The following GPC5 variants were observed in gnomAD, a reference collection of about 807,000 sequenced individuals.
GPC5 encodes the protein glypican-5.
Under a neutral mutation model 53.9 loss-of-function variants are expected in GPC5, and 47 were observed. The observed-to-expected ratio is 0.87, with a 90% confidence interval of 0.69 to 1.11. The LOEUF (loss-of-function observed/expected upper bound fraction) is 1.11, where lower values mean the gene tolerates loss of function less well. Among genes scored for constraint, GPC5 ranks in the 50% most tolerant of loss-of-function variants. GPC5 has a pLI of 0.00. For missense variants in GPC5, 748 were observed against 713.1 expected (o/e 1.05, Z -0.56); for synonymous variants, 286 against 263.3 (o/e 1.09, Z -0.84).
intron 7 of GPC5, among the ~76,000 whole-genome samples, chr13:92,386,793 AT>A (rs1253513252): frequency 6.6e-6 from 1 of 151,986 alleles, no homozygotes; most frequent in Non-Finnish European, 1.5e-5. Flanking sequence ...GTTAGTTTCC[AT>A]TTTTACTTCT....
chr13:91,705,965 C>T (rs1187698482), intron 3 of GPC5, among the ~76,000 whole-genome samples: 1 of 149,510 alleles, frequency 6.7e-6, no homozygotes, highest in African/African-American at 2.5e-5. Context: ...ATTGCAACCT[C>T]CGCCTCCTGA....
chr13:92,691,361 G>A (rs906066037), intron 7 of GPC5, among the ~76,000 whole-genome samples: 11 of 142,984 alleles, frequency 7.7e-5, no homozygotes, highest in Non-Finnish European at 1.4e-4. Flanking sequence ...TCTTTGACTC[G>A]GAAAGGGAAC....
chr13:91,745,772 T>G (rs547236233), intron 4 of GPC5, among the ~76,000 whole-genome samples: 12 of 152,310 alleles, frequency 7.9e-5, no homozygotes, highest in Non-Finnish European at 1.8e-4. Flanking sequence ...ATGAATGTCA[T>G]GTGCTTGAAA....
intron 5 of GPC5, among the ~76,000 whole-genome samples, chr13:91,880,022 A>T (rs1195052754): frequency 6.6e-6 from 1 of 152,126 alleles, no homozygotes; most frequent in African/African-American, 2.4e-5. Flanking sequence ...GCCCCTTCTT[A>T]TAACTTTATA....
intron 3 of GPC5, among the ~76,000 whole-genome samples, chr13:91,717,562 C>A (rs539762718): frequency 1.3e-5 from 2 of 151,250 alleles, no homozygotes; most frequent in African/African-American, 4.9e-5. Context: ...TTTGCTTGCA[C>A]ATTTTTTTTT....
At chr13:92,749,560 G>A (rs1323597333) in intron 7 of GPC5, among the ~76,000 whole-genome samples, 2 of 152,024 alleles carry the variant, frequency 1.3e-5, no homozygotes, top group East Asian at 1.9e-4. Context: ...TTATTAAGAC[G>A]ATGGAGGTGA....
At chr13:91,744,286 A>C (rs2037000581) in intron 4 of GPC5, among the ~76,000 whole-genome samples, 1 of 152,150 alleles carries the variant, frequency 6.6e-6, no homozygotes, top group Non-Finnish European at 1.5e-5. Context: ...CACCCATCAG[A>C]AAAACTGGGA....
At chr13:91,629,429 G>A (rs539024801) in intron 2 of GPC5, among the ~76,000 whole-genome samples, 3 of 152,172 alleles carry the variant, frequency 2.0e-5, no homozygotes, top group African/African-American at 7.2e-5. Context: ...GATCACCTGA[G>A]GTCAGGAGTT....
intron 7 of GPC5, among the ~76,000 whole-genome samples, chr13:92,475,465 T>C (rs1221226483): frequency 6.7e-6 from 1 of 148,536 alleles, no homozygotes; most frequent in Non-Finnish European, 1.5e-5. Flanking sequence ...TTTGAAGCAA[T>C]TGTGAATGGG....
intron 7 of GPC5, among the ~76,000 whole-genome samples, chr13:92,623,904 G>C (rs1884960415): frequency 6.6e-6 from 1 of 152,010 alleles, no homozygotes; most frequent in South Asian, 2.1e-4. Flanking sequence ...GCCCAGGCCG[G>C]AGTGCAGTGG....
chr13:91,813,340 T>C (rs1281078043), intron 5 of GPC5, among the ~76,000 whole-genome samples: 5 of 152,316 alleles, frequency 3.3e-5, no homozygotes, highest in East Asian at 3.9e-4. Flanking sequence ...GAGGGGAGCT[T>C]TGTACCTTTG....
At chr13:91,618,821 T>G (rs985508875) in intron 2 of GPC5, among the ~76,000 whole-genome samples, 1 of 152,070 alleles carries the variant, frequency 6.6e-6, no homozygotes, top group Non-Finnish European at 1.5e-5. Context: ...ATGGGAATCA[T>G]ACCCATAACC....
chr13:91,770,442 G>A (rs1354337508), intron 5 of GPC5, among the ~76,000 whole-genome samples: 8 of 152,070 alleles, frequency 5.3e-5, no homozygotes, highest in Non-Finnish European at 1.0e-4. Flanking sequence ...TCTAATCATG[G>A]TTTGGTTTTT....
At chr13:92,514,887 T>A (rs139148619) in intron 7 of GPC5, among the ~76,000 whole-genome samples, 1 of 152,044 alleles carries the variant, frequency 6.6e-6, no homozygotes, top group Non-Finnish European at 1.5e-5. Flanking sequence ...CTGAAAAAAA[T>A]AGGTTATGGC....
rs150054883 is a variant in GPC5 at position 92,452,273 on chromosome 13, A to G, written c.1561+307284A>G. On this transcript the variant is annotated intron_variant, in intron 7 of 7. Transcript: ENST00000377067. ...TATAGGTACAAATGTAGAAATAACTATGTCACATTTTAACAAGTCCTAGTT... is the reference window on the plus strand; with the variant it reads ...TATAGGTACAAATGTAGAAATAACTGTGTCACATTTTAACAAGTCCTAGTT... Among the ~76,000 whole-genome samples, 34 of 152,308 alleles carry G rather than the reference A, an allele frequency of 2.2e-4. 1 individual carries two copies. The highest frequency in any genetic ancestry group is 7.7e-4 in the African/African-American group (32 of 41,578).
intron 2 of GPC5, among the ~76,000 whole-genome samples, chr13:91,658,562 A>T (rs542202801): frequency 6.6e-6 from 1 of 152,318 alleles, no homozygotes; most frequent in African/African-American, 2.4e-5. Flanking sequence ...TGCTATACTC[A>T]GCTTATGTTT....
At chr13:92,027,061 A>G (rs2040806690) in intron 6 of GPC5, among the ~76,000 whole-genome samples, 1 of 152,232 alleles carries the variant, frequency 6.6e-6, no homozygotes, top group African/African-American at 2.4e-5. Flanking sequence ...TTTTACAGTC[A>G]CCAATGAATT....
At chr13:91,834,640 T>C (rs751258960) in intron 5 of GPC5, among the ~76,000 whole-genome samples, 7 of 152,044 alleles carry the variant, frequency 4.6e-5, no homozygotes, top group Non-Finnish European at 8.8e-5. Context: ...AAACAAGCAA[T>C]GGAAAAAGGA....
intron 7 of GPC5, among the ~76,000 whole-genome samples, chr13:92,846,672 T>C (rs1219023620): frequency 1.1e-4 from 17 of 152,320 alleles, no homozygotes; most frequent in Non-Finnish European, 5.9e-5. Flanking sequence ...TTTTATCATG[T>C]GCATAATGTG....
Sources: gnomAD v4.1 joint callset for allele counts (sites outside exome capture counted in the v4.1 genomes callset) on GRCh38, gnomAD v4.1.1 for gene constraint, MANE v1.5 for transcripts, NCBI Gene and HGNC (gene_info 2026-07-23, HGNC 2026-07-21) for gene names.